SAMD4B: variants seen among roughly 807,000 people sequenced by gnomAD.
The protein encoded by SAMD4B is protein Smaug homolog 2.
Under a neutral mutation model 74.5 loss-of-function variants are expected in SAMD4B, and 5 were observed. That is an observed-to-expected ratio of 0.07 (90% CI 0.04 to 0.14). The LOEUF (loss-of-function observed/expected upper bound fraction) is 0.14, where lower values mean the gene tolerates loss of function less well. SAMD4B is among the 10% of genes least tolerant of loss of function. SAMD4B has a pLI of 1.00. For synonymous variants in SAMD4B, 373 were observed against 374.9 expected (o/e 1.00, Z 0.06); for missense variants, 608 against 921.8 (o/e 0.66, Z 4.41).
chr19:39,359,170 G>A (rs1039309578), intron 3 of SAMD4B, among the ~76,000 whole-genome samples: 1 of 152,130 alleles, frequency 6.6e-6, no homozygotes, highest in Non-Finnish European at 1.5e-5. Context: ...CCTTTATAGT[G>A]GGGGCTCCTG....
intron 3 of SAMD4B, among the ~76,000 whole-genome samples, chr19:39,358,651 C>T (rs1009951472): frequency 6.6e-6 from 1 of 152,006 alleles, no homozygotes; most frequent in Non-Finnish European, 1.5e-5. Flanking sequence ...TTATATCTAC[C>T]TTCTAGGGTA....
At chr19:39,372,444 G>T (rs1028164707) in intron 4 of SAMD4B, among the ~76,000 whole-genome samples, 1 of 152,150 alleles carries the variant, frequency 6.6e-6, no homozygotes, top group African/African-American at 2.4e-5. Context: ...ATTCTGGGGG[G>T]CGTTGAAGGA....
At position 39,383,473 on chromosome 19, in the gene SAMD4B, C is replaced by A; in HGVS notation, c.2057-26C>A. On this transcript the variant is annotated intron_variant, in intron 13 of 13. Coordinates refer to ENST00000610417, the MANE Select transcript of SAMD4B (RefSeq NM_001384574.2). The surrounding 1 kb of genome is among the most constrained non-coding windows in gnomAD (Gnocchi z 4.1). ...GGCCTCCCTCCAGCTCCTGATCTTC[C>A]TCCCTTCCTCCCTTTCTTACCACAG... 1.9e-6 allele frequency: 3 copies of A among 1,611,752 alleles called. No individual in the cohort carries two copies. Among genetic ancestry groups the A allele is most frequent in the Non-Finnish European group, 2.5e-6 (3 of 1,177,774 alleles).
rs989228779 is a variant in SAMD4B, at chr19:39,378,072, G to A, written c.1444+248G>A. 4.1e-3 allele frequency among the ~76,000 whole-genome samples: 623 copies of A among 152,342 alleles called. 4 individuals carry two copies. The highest frequency in any genetic ancestry group is 0.014 in the African/African-American group (591 of 41,574). On this transcript the variant is annotated intron_variant, in intron 8 of 13. Coordinates refer to ENST00000610417, the MANE Select transcript of SAMD4B (RefSeq NM_001384574.2). This position sits in a 1 kb window ranked among gnomAD's most constrained non-coding sequence, Gnocchi z 4.4. ...AGGCTGAGCAGAAATGGGGCAGTGG[G>A]TCAGAAGAAATTCCATGTAGTAAAG...
intron 4 of SAMD4B, among the ~76,000 whole-genome samples, chr19:39,371,687 C>T (rs1378770776): frequency 6.6e-6 from 1 of 151,890 alleles, no homozygotes; most frequent in Non-Finnish European, 1.5e-5. Flanking sequence ...TATGGTGGTG[C>T]ATGCCTATAA....
At chr19:39,346,542 T>A (rs917503571) in intron 1 of SAMD4B, among the ~76,000 whole-genome samples, 10 of 152,190 alleles carry the variant, frequency 6.6e-5, no homozygotes, top group Admixed American at 2.0e-4. Flanking sequence ...ACTGTTTAAG[T>A]GCTTTACATG....
At chr19:39,345,263 C>A (rs2075628014) in intron 1 of SAMD4B, among the ~76,000 whole-genome samples, 1 of 152,304 alleles carries the variant, frequency 6.6e-6, no homozygotes, top group East Asian at 1.9e-4. Flanking sequence ...TCCTAGGAAT[C>A]CCCTTTATGA....
chr19:39,357,137 G>A lies in SAMD4B; in HGVS notation c.196+48G>A, dbSNP rs377455419. On this transcript the variant is annotated intron_variant, in intron 3 of 13. Coordinates refer to ENST00000610417, the MANE Select transcript of SAMD4B (RefSeq NM_001384574.2). ...GGGAGCACAGCAGGAGGGAGACCTG[G>A]AACAGATGTCACATGGCTAAGAAGG... 6.7e-6 allele frequency: 10 copies of A among 1,502,826 alleles called. No individual in the cohort carries two copies. In the African/African-American group the frequency reaches 9.7e-5, roughly 15 times the overall value. 93.1% of individuals were successfully genotyped at this position (1,502,826 alleles called of 1,614,324 possible). A position where few individuals can be genotyped will look rare whatever the true frequency, so the allele number is the denominator to read the frequency against.
chr19:39,360,807 T>C (rs1348447852), intron 3 of SAMD4B, among the ~76,000 whole-genome samples: 2 of 152,188 alleles, frequency 1.3e-5, no homozygotes, highest in African/African-American at 4.8e-5. Context: ...TCAGAATCAC[T>C]GGGGTTAGGT....
intron 9 of SAMD4B, among the ~76,000 whole-genome samples, chr19:39,379,678 C>T (rs141616971): frequency 6.6e-6 from 1 of 152,170 alleles, no homozygotes; most frequent in Non-Finnish European, 1.5e-5. Context: ...TCAAGTGATT[C>T]TCCTGCCTCA....
chr19:39,381,293 T>C, intron 12 of SAMD4B, 180 bp downstream of exon 12: 1 of 668,010 alleles, frequency 1.5e-6, no homozygotes. Flanking sequence ...TCTGCTTCAA[T>C]TTTATCTCTC....
In SAMD4B at chr19:39,376,559, G is replaced by A; in HGVS notation, c.1017+13G>A. 1 of 1,607,462 alleles carries A rather than the reference G, an allele frequency of 6.2e-7. No individual in the cohort carries two copies. Among genetic ancestry groups the A allele is most frequent in the Non-Finnish European group, 8.5e-7 (1 of 1,174,796 alleles). On this transcript the variant is annotated intron_variant, in intron 6 of 13. Coordinates refer to ENST00000610417, the MANE Select transcript of SAMD4B (RefSeq NM_001384574.2). The stretch of plus-strand genomic sequence containing the variant: ...CCTGGAGTCTCAGGTGAAGCCAAGG[G>A]GACCATCAGGGAGGTGCTGGGGGCA...
Position 39,383,328 on chromosome 19 carries a change from T to TA in SAMD4B, c.2056+38dup. ...CTCTTTCCCTGACCCAGCTCCCACC[T>TA]ACCCAGCGTCTCTGCCTCTGAACTG... On this transcript the variant is annotated intron_variant, in intron 13 of 13. Coordinates refer to ENST00000610417, the MANE Select transcript of SAMD4B (RefSeq NM_001384574.2). This position sits in a 1 kb window ranked among gnomAD's most constrained non-coding sequence, Gnocchi z 4.1. The TA allele has an allele frequency of 6.2e-7, 1 of 1,603,316 alleles. No individual in the cohort carries two copies. Among genetic ancestry groups the TA allele is most frequent in the South Asian group, 1.1e-5 (1 of 90,904 alleles).
chr19:39,350,325 G>C (rs2075961980), intron 1 of SAMD4B: 1 of 152,162 alleles, frequency 6.6e-6, no homozygotes, highest in East Asian at 1.9e-4. Context: ...AGGAGAGCCA[G>C]GATTTAAGCC....
intron 5 of SAMD4B, 142 bp downstream of exon 5, chr19:39,376,031 A>G (rs2145784770): frequency 1.8e-6 from 2 of 1,138,706 alleles, no homozygotes; most frequent in East Asian, 2.6e-5. Context: ...CCCTGCTTTT[A>G]GGGCTCAGGA....
At chr19:39,382,579 A>G (rs1226611291) in intron 12 of SAMD4B, among the ~76,000 whole-genome samples, 1 of 152,148 alleles carries the variant, frequency 6.6e-6, no homozygotes, top group Non-Finnish European at 1.5e-5. Context: ...CTTTGTCCTG[A>G]TGGCAGTGAG....
At chr19:39,388,300 C>T (rs755031821), downstream of SAMD4B, 2 of 1,611,840 alleles carry the variant, frequency 1.2e-6, no homozygotes, top group South Asian at 2.2e-5. Context: ...TCTTAAGAAG[C>T]ACAGATCCAG....
intron 4 of SAMD4B, among the ~76,000 whole-genome samples, chr19:39,372,187 C>T (rs1243603501): frequency 9.9e-5 from 15 of 152,154 alleles, no homozygotes; most frequent in Admixed American, 7.2e-4. Context: ...GAAATAAGCA[C>T]GGGGTGGATA....
At chr19:39,370,247 T>C (rs2077209110) in intron 4 of SAMD4B, 122 bp downstream of exon 4, 2 of 937,546 alleles carry the variant, frequency 2.1e-6, no homozygotes, top group Admixed American at 4.3e-5. Context: ...CTCAACTTTA[T>C]GAGGCAATGC....
Sources: allele counts gnomAD v4.1 joint callset (sites outside exome capture counted in the v4.1 genomes callset), GRCh38; gene constraint gnomAD v4.1.1; non-coding constraint Gnocchi (gnomAD v3.1); transcripts MANE v1.5; gene names NCBI Gene and HGNC (gene_info 2026-07-23, HGNC 2026-07-21).